Variants in SNX29 observed in about 807,000 individuals in gnomAD.
SNX29 encodes sorting nexin-29.
Under a neutral mutation model 102.1 loss-of-function variants are expected in SNX29, and 78 were observed. The observed-to-expected ratio is 0.76, with a 90% CI of 0.64 to 0.92. The LOEUF (loss-of-function observed/expected upper bound fraction) is 0.92, where lower values mean the gene tolerates loss of function less well. Among genes scored for constraint, SNX29 ranks in the 40% least tolerant of loss-of-function variants. SNX29 has a pLI of 0.00. For missense variants in SNX29, 1,280 were observed against 1,061.7 expected, an observed-to-expected ratio of 1.21 and a Z score of -2.86; for synonymous variants, 580 against 414.5, an observed-to-expected ratio of 1.40 and a Z score of -4.85.
intron 20 of SNX29, among the ~76,000 whole-genome samples, chr16:12,552,076 A>C (rs4781251): frequency 0.18 from 27,530 of 152,166 alleles, 6,249 homozygotes; most frequent in African/African-American, 0.52. Context: ...CTCTGTCTCA[A>C]TCACTCAACT....
intron 16 of SNX29, among the ~76,000 whole-genome samples, chr16:12,389,086 G>C (rs2083435937): frequency 6.6e-6 from 1 of 152,090 alleles, no homozygotes; most frequent in African/African-American, 2.4e-5. Flanking sequence ...TGGGATTGTA[G>C]CGTATCTTAG....
At chr16:12,150,680 T>A (rs1231430732) in intron 13 of SNX29, among the ~76,000 whole-genome samples, 1 of 152,218 alleles carries the variant, frequency 6.6e-6, no homozygotes, top group Non-Finnish European at 1.5e-5. Context: ...GCTGCATCCC[T>A]TTGTAATTGC....
Position 12,572,509 on chromosome 16 carries a change from C to CA in SNX29, c.*3880_*3881insA. Reference sequence around the variant, plus strand: ...GGGGTTCCAGGCCTCGGCCTTCCTGCTCCACGTGCTCAAGCCCCCACAGGG... The same window carrying CA: ...GGGGTTCCAGGCCTCGGCCTTCCTGCATCCACGTGCTCAAGCCCCCACAGGG... On this transcript the variant is annotated 3_prime_UTR_variant, in exon 21 of 21. Coordinates refer to ENST00000566228, the MANE Select transcript of SNX29 (RefSeq NM_032167.5). 1 of 1,064,052 alleles carries CA rather than the reference C, an allele frequency of 9.4e-7. No homozygotes were observed. The highest frequency in any genetic ancestry group is 1.1e-6 in the Non-Finnish European group (1 of 878,438). The allele number at this position is 1,064,052 out of a possible 1,614,324, so 65.9% of individuals were successfully genotyped here.
At chr16:12,557,643 T>C (rs961248736) in intron 20 of SNX29, 1 of 152,220 alleles carries the variant, frequency 6.6e-6, no homozygotes, top group Non-Finnish European at 1.5e-5. Flanking sequence ...ATTGCAGGTG[T>C]GAGCCACTAC....
intron 20 of SNX29, among the ~76,000 whole-genome samples, chr16:12,541,939 C>G (rs147445255): frequency 1.3e-3 from 199 of 152,290 alleles, no homozygotes; most frequent in South Asian, 5.8e-3. Flanking sequence ...CATCCTGGGC[C>G]CACACAAGAG....
chr16:12,142,096 C>G (rs1158676242), intron 13 of SNX29, among the ~76,000 whole-genome samples: 1 of 152,204 alleles, frequency 6.6e-6, no homozygotes, highest in African/African-American at 2.4e-5. Context: ...TTTTTCAAGA[C>G]CATTTACAAA....
chr16:12,259,291 G>A (rs1476442876), intron 14 of SNX29, among the ~76,000 whole-genome samples: 3 of 152,180 alleles, frequency 2.0e-5, no homozygotes, highest in African/African-American at 4.8e-5. Context: ...AAAATACAGC[G>A]TGATTACAGC....
At chr16:11,985,464 C>T (rs2055577842) in intron 1 of SNX29, among the ~76,000 whole-genome samples, 1 of 152,172 alleles carries the variant, frequency 6.6e-6, no homozygotes, top group African/African-American at 2.4e-5. Flanking sequence ...TGGCTTCAAG[C>T]TTAGCTGGAT....
At chr16:12,536,289 C>G (rs759081340) in intron 20 of SNX29, among the ~76,000 whole-genome samples, 108 of 152,176 alleles carry the variant, frequency 7.1e-4, no homozygotes, top group Admixed American at 7.2e-4. Flanking sequence ...GTTTTTCTCA[C>G]TAGCTCGTTC....
At chr16:12,282,612 C>G (rs1037178597) in intron 15 of SNX29, among the ~76,000 whole-genome samples, 4 of 152,158 alleles carry the variant, frequency 2.6e-5, no homozygotes, top group Non-Finnish European at 5.9e-5. Flanking sequence ...GTCCTAGAAC[C>G]TCAGATTGGG....
At chr16:12,065,959 G>T (rs1245093688) in intron 9 of SNX29, among the ~76,000 whole-genome samples, 1 of 152,142 alleles carries the variant, frequency 6.6e-6, no homozygotes, top group East Asian at 1.9e-4. Flanking sequence ...TGTCTTGGGG[G>T]CCTTAAGGAT....
chr16:12,029,856 T>G (rs1596638702), intron 4 of SNX29: 1 of 341,820 alleles, frequency 2.9e-6, no homozygotes, highest in East Asian at 7.9e-5. Flanking sequence ...CCTCCCAAAG[T>G]GCTGGGATTA....
At chr16:12,410,746 T>A (rs1160374638) in intron 18 of SNX29, among the ~76,000 whole-genome samples, 1 of 152,192 alleles carries the variant, frequency 6.6e-6, no homozygotes, top group Non-Finnish European at 1.5e-5. Flanking sequence ...TGGGGACTTT[T>A]AAAGGTTTAA....
intron 13 of SNX29, among the ~76,000 whole-genome samples, chr16:12,170,714 G>T (rs1000928840): frequency 6.6e-6 from 1 of 151,806 alleles, no homozygotes; most frequent in African/African-American, 2.4e-5. Flanking sequence ...CAGAGAAGGG[G>T]TTCTGTGGGA....
intron 20 of SNX29, among the ~76,000 whole-genome samples, chr16:12,567,426 G>A (rs1029682447): frequency 3.3e-5 from 5 of 152,232 alleles, no homozygotes; most frequent in Non-Finnish European, 7.3e-5. Flanking sequence ...AGTAGGCAGA[G>A]TAAGAACATT....
At chr16:12,323,218 CG>C (rs2081010455) in intron 15 of SNX29, among the ~76,000 whole-genome samples, 1 of 30,580 alleles carries the variant, frequency 3.3e-5, no homozygotes, top group South Asian at 4.2e-4. Flanking sequence ...CTGGAGTCAC[CG>C]GGGACCACTG....
intron 18 of SNX29, among the ~76,000 whole-genome samples, chr16:12,422,365 C>G (rs998148775): frequency 6.6e-6 from 1 of 152,208 alleles, no homozygotes; most frequent in African/African-American, 2.4e-5. Context: ...GTTACCACAG[C>G]CCTTGTGTAT....
chr16:12,555,146 C>A (rs1253843801), intron 20 of SNX29, among the ~76,000 whole-genome samples: 2 of 151,748 alleles, frequency 1.3e-5, no homozygotes, highest in Non-Finnish European at 2.9e-5. Flanking sequence ...AGACTTGGTC[C>A]AGGAGTGACA....
At chr16:12,319,580 A>C (rs998307611) in intron 15 of SNX29, among the ~76,000 whole-genome samples, 1 of 152,176 alleles carries the variant, frequency 6.6e-6, no homozygotes, top group Non-Finnish European at 1.5e-5. Flanking sequence ...GTTGGCGGTG[A>C]GCCAGACTGT....
Sources: allele counts gnomAD v4.1 joint callset (sites outside exome capture counted in the v4.1 genomes callset), GRCh38; gene constraint gnomAD v4.1.1; transcripts MANE v1.5; gene names NCBI Gene and HGNC (gene_info 2026-07-23, HGNC 2026-07-21).